GMPPA: variants seen among roughly 807,000 people sequenced by gnomAD.
GMPPA encodes the protein GDP-mannose pyrophosphorylase A, also known as mannose-1-phosphate guanylyltransferase regulatory subunit alpha.
GMPPA carries 46 observed loss-of-function variants against 58.6 expected under a neutral mutation model. The ratio of observed to expected loss-of-function variants is 0.78; its 90% confidence interval spans 0.62 to 1.00. GMPPA has a LOEUF of 1.00. Among genes scored for constraint, GMPPA ranks in the 50% least tolerant of loss-of-function variants. The pLI is 0.00. For missense variants in GMPPA, 468 were observed against 556.4 expected, an observed-to-expected ratio of 0.84 and a Z score of 1.60; for synonymous variants, 211 against 214.9, an observed-to-expected ratio of 0.98 and a Z score of 0.16.
Position 219,505,558 on chromosome 2 carries a change from A to G in GMPPA, c.853+3A>G. Reference sequence around the variant, plus strand: ...CCCAGGGGGCCCATGGATCCGAGGTACCCAGCCTGCCCCAATTCCTAACCT... The same window carrying G: ...CCCAGGGGGCCCATGGATCCGAGGTGCCCAGCCTGCCCCAATTCCTAACCT... On this transcript the variant is annotated splice_donor_region_variant and intron_variant, in intron 9 of 12. Coordinates refer to ENST00000313597, the MANE Select transcript of GMPPA (RefSeq NM_013335.4). 1 of 1,566,756 alleles carries G rather than the reference A, an allele frequency of 6.4e-7. No homozygotes were observed. Among genetic ancestry groups the G allele is most frequent in the Middle Eastern group, 1.7e-4 (1 of 6,012 alleles).
chr2:219,501,779 G>A (rs749864028), intron 4 of GMPPA, 72 bp from the exon 5 acceptor site: 18 of 1,382,136 alleles, frequency 1.3e-5, no homozygotes, highest in East Asian at 4.6e-5. Context: ...AAGCGGTGGC[G>A]GTCAGGTGCC....
At chr2:219,499,370 A>T (rs1347985813) in intron 1 of GMPPA, 1 of 156,450 alleles carries the variant, frequency 6.4e-6, no homozygotes, top group Non-Finnish European at 1.4e-5. Flanking sequence ...ATTTAAGTTA[A>T]ATATCTGAGG....
rs776855016 is a variant in GMPPA, at chr2:219,500,142, CT to C, written c.66del (p.Phe22LeufsTer15). ...CCAGGAACTCGCTTCAGACCTTTGT[CT>C]TTTGAGGTGCCCAAACCATTGTTTC... Reference protein sequence around the residue: ...PQKGTRFRPLSFEVPKPLFPV... With the variant: ...PQKGTRFRPLXFEVPKPLFPV... On this transcript the variant is annotated frameshift_variant, in exon 3 of 13. Coordinates refer to ENST00000313597, the MANE Select transcript of GMPPA (RefSeq NM_013335.4). LOFTEE classifies it high-confidence loss of function. 6.2e-7 allele frequency: 1 copy of C among 1,601,020 alleles called. No individual in the cohort carries two copies. Among genetic ancestry groups the C allele is most frequent in the Non-Finnish European group, 8.5e-7 (1 of 1,172,430 alleles).
In GMPPA at chr2:219,502,026, C is replaced by A; in HGVS notation, c.418C>A (p.Leu140Ile). Residue 140 changes from leucine to isoleucine, a missense_variant, in exon 5 of 13, where the codon CTT becomes ATT. By Grantham distance (5) the Leu-to-Ile change is conservative (BLOSUM62 2). Transcript: ENST00000313597. The surrounding 1 kb of genome is among the most constrained non-coding windows in gnomAD (Gnocchi z 4.0). Reference protein sequence around the residue: ...HRRQRHPFLLLGTTANRTQSL... With the variant: ...HRRQRHPFLLIGTTANRTQSL... ...ACGCCAGCGTCACCCTTTCTTACTC[C>A]TTGGCACTACGGTGAGGGGGTCAGG... 1.2e-6 allele frequency: 2 copies of A among 1,614,188 alleles called. No homozygotes were observed. Among genetic ancestry groups the A allele is most frequent in the Non-Finnish European group, 1.7e-6 (2 of 1,180,002 alleles).
intron 6 of GMPPA, 27 bp from the exon 7 acceptor site, chr2:219,504,056 A>G (rs1177215021): frequency 1.2e-6 from 2 of 1,613,576 alleles, no homozygotes; most frequent in Non-Finnish European, 1.7e-6. Flanking sequence ...CCCTTCTTCT[A>G]CTGAACCCAG....
intron 3 of GMPPA, 196 bp from the exon 4 acceptor site, chr2:219,501,280 C>T (rs948849544): frequency 3.1e-5 from 18 of 579,060 alleles, no homozygotes; most frequent in South Asian, 1.7e-4. Context: ...TAAAACAAAA[C>T]GAAAAAAGAT....
rs779625170 is a variant in GMPPA at position 219,502,417 on chromosome 2, C to T, written c.465C>T (p.Ile155=). The T allele has an allele frequency of 3.1e-6, 5 of 1,613,860 alleles. No homozygotes were observed. Among genetic ancestry groups the T allele is most frequent in the Admixed American group, 1.7e-5 (1 of 60,014 alleles). ...CGCAATCCCTCAACTACGGCTGCAT[C>T]GTTGAGAATCCACAGACACACGAGG... ...NRTQSLNYGC[I]VENPQTHEVL... Residue 155 remains isoleucine, a synonymous_variant, in exon 6 of 13, where the codon ATC becomes ATT. Coordinates refer to ENST00000313597, the MANE Select transcript of GMPPA (RefSeq NM_013335.4). This position sits in a 1 kb window ranked among gnomAD's most constrained non-coding sequence, Gnocchi z 4.0.
At chr2:219,505,591 C>T (rs746804961) in intron 9 of GMPPA, 36 bp downstream of exon 9, 19 of 1,565,530 alleles carry the variant, frequency 1.2e-5, no homozygotes, top group Admixed American at 1.8e-5. Context: ...CCTTTGGCTT[C>T]CACCCCAGCC....
At chr2:219,504,482 G>T in intron 7 of GMPPA, 1 of 537,014 alleles carries the variant, frequency 1.9e-6, no homozygotes, top group Non-Finnish European at 3.3e-6. Flanking sequence ...TCCCAGAGAC[G>T]TCTTTCAGAA....
At position 219,501,950 on chromosome 2, in the gene GMPPA, T is replaced by C; in HGVS notation, c.342T>C (p.Asn114=). Reference sequence around the variant, plus strand: ...GCCCCGAGGCATTCTTCGTGCTCAATGCTGATGTCTGCTCCGACTTCCCCT... The same window carrying C: ...GCCCCGAGGCATTCTTCGTGCTCAACGCTGATGTCTGCTCCGACTTCCCCT... ...AGSPEAFFVL[N]ADVCSDFPLS... is the part of the protein sequence containing the mutation. The change falls in exon 5 of 13, where the codon AAT becomes AAC. Residue 114 remains asparagine (N), a synonymous_variant. Transcript: ENST00000313597. 1.2e-6 allele frequency: 2 copies of C among 1,614,172 alleles called. No individual in the cohort carries two copies. Among genetic ancestry groups the C allele is most frequent in the South Asian group, 2.2e-5 (2 of 91,080 alleles).
At chr2:219,505,181 C>CG in intron 7 of GMPPA, 47 bp from the exon 8 acceptor site, 1 of 1,595,558 alleles carries the variant, frequency 6.3e-7, no homozygotes, top group Non-Finnish European at 8.6e-7. Flanking sequence ...GCCCCACAGT[C>CG]GGGGCTCAGC....
chr2:219,506,931 C>T lies in GMPPA; in HGVS notation c.*133C>T. The T allele has an allele frequency of 1.6e-6, 1 of 631,940 alleles. No individual in the cohort carries two copies. The highest frequency in any genetic ancestry group is 2.9e-6 in the Non-Finnish European group (1 of 349,380). 39.1% of individuals were successfully genotyped at this position (631,940 alleles called of 1,614,324 possible). A position where few individuals can be genotyped will look rare whatever the true frequency, so the allele number is the denominator to read the frequency against. ...ACATGCCGGGGAGCAATGTGGATGG[C>T]CTGGGGACTCCTGGGTTTTCTCCCT... On this transcript the variant is annotated 3_prime_UTR_variant, in exon 13 of 13. Coordinates refer to ENST00000313597, the MANE Select transcript of GMPPA (RefSeq NM_013335.4).
Position 219,505,269 on chromosome 2 carries a change from G to C in GMPPA, c.662G>C (p.Arg221Pro), listed in dbSNP as rs572096397. 6.2e-7 allele frequency: 1 copy of C among 1,613,898 alleles called. No individual in the cohort carries two copies. The highest frequency in any genetic ancestry group is 8.5e-7 in the Non-Finnish European group (1 of 1,179,764). Reference protein sequence around the residue: ...PGLWPGAGTIRLEQDVFSALA... With the variant: ...PGLWPGAGTIPLEQDVFSALA... ...TTGTGGCCAGGGGCAGGTACCATCC[G>C]CCTAGAGCAGGATGTGTTTTCAGCC... Residue 221 changes from arginine (R) to proline (P), a missense_variant, in exon 8 of 13, where the codon CGC becomes CCC. Arg to Pro is a moderately radical substitution (Grantham distance 103, BLOSUM62 -2). Coordinates refer to ENST00000313597, the MANE Select transcript of GMPPA (RefSeq NM_013335.4).
intron 10 of GMPPA, 32 bp from the exon 11 acceptor site, chr2:219,505,948 C>A: frequency 6.9e-7 from 1 of 1,453,672 alleles, no homozygotes; most frequent in Non-Finnish European, 9.4e-7. Context: ...CCAAGTCCCT[C>A]CAGGGCTTAT....
chr2:219,501,193 G>A (rs924627449), intron 3 of GMPPA: 7 of 376,010 alleles, frequency 1.9e-5, no homozygotes, highest in African/African-American at 1.0e-4. Context: ...AGCCCAGGAC[G>A]TGGAGGCTGC....
Position 219,505,992 on chromosome 2 carries a change from G to T in GMPPA, c.913G>T (p.Val305Phe). 6.3e-7 allele frequency: 1 copy of T among 1,584,196 alleles called. No individual in the cohort carries two copies. The highest frequency in any genetic ancestry group is 2.3e-5 in the East Asian group (1 of 43,668). ...CTTCTCTCCACAGCTGGGCCCCAAC[G>T]TCTCCATCGGGAAGGGGGTGACCGT... is the stretch of plus-strand genomic sequence containing the variant. ...VAPSAVLGPN[V>F]SIGKGVTVGE... Residue 305 changes from valine (V) to phenylalanine (F), a missense_variant, in exon 11 of 13, where the codon GTC becomes TTC. Physicochemically the swap from Val to Phe is conservative, Grantham distance 50. Transcript: ENST00000313597.
chr2:219,503,912 C>A (rs1385607938), intron 6 of GMPPA, among the ~76,000 whole-genome samples, 171 bp from the exon 7 acceptor site: 1 of 152,188 alleles, frequency 6.6e-6, no homozygotes, highest in Non-Finnish European at 1.5e-5. Context: ...GAAGGGCAGT[C>A]ATCTCAGGGT....
Position 219,499,740 on chromosome 2 carries a change from TATTTGGG to T in GMPPA, c.-20-215_-20-209del, listed in dbSNP as rs200922804. On this transcript the variant is annotated intron_variant, in intron 1 of 12. Transcript: ENST00000313597. Reference sequence around the variant, plus strand: ...ATCTTGGGGGAGGGCTAAGTGCTGCTATTTGGGGTTTGGGGTTTGGTTGGGGTGTGAG... The same window carrying T: ...ATCTTGGGGGAGGGCTAAGTGCTGCTGTTTGGGGTTTGGTTGGGGTGTGAG... 9.3e-3 allele frequency: 5,651 copies of T among 605,842 alleles called. 245 individuals are homozygous for T. Among genetic ancestry groups the T allele is most frequent in the African/African-American group, 0.091 (4,930 of 53,888 alleles). The allele number at this position is 605,842 out of a possible 1,614,324, so 37.5% of individuals were successfully genotyped here.
chr2:219,505,861 T>C (rs543763673), intron 10 of GMPPA, 100 bp downstream of exon 10: 1 of 1,168,152 alleles, frequency 8.6e-7, no homozygotes, highest in Admixed American at 2.1e-5. Flanking sequence ...CTTCACTTTG[T>C]CACAGCCTAT....
Sources: allele counts gnomAD v4.1 joint callset (sites outside exome capture counted in the v4.1 genomes callset), GRCh38; gene constraint gnomAD v4.1.1; non-coding constraint Gnocchi (gnomAD v3.1); transcripts MANE v1.5; gene names NCBI Gene and HGNC (gene_info 2026-07-23, HGNC 2026-07-21).